Variants in BORCS5 observed in about 807,000 individuals in gnomAD.
The protein encoded by BORCS5 is BLOC-1 related complex subunit 5.
A neutral mutation model predicts 22.1 loss-of-function variants in BORCS5; 17 were observed. The observed-to-expected ratio is 0.77, with a 90% CI of 0.53 to 1.15. The LOEUF (loss-of-function observed/expected upper bound fraction) is 1.15, where lower values mean the gene tolerates loss of function less well. BORCS5 is among the 50% of genes most tolerant of loss of function. The pLI, the probability that BORCS5 is intolerant of heterozygous loss-of-function variation, is 0.00. For missense variants in BORCS5, 247 were observed against 253.2 expected (o/e 0.98, Z 0.17); for synonymous variants, 117 against 99.8 (o/e 1.17, Z -1.03).
intron 2 of BORCS5, among the ~76,000 whole-genome samples, chr12:12,410,921 T>G: frequency 1.2e-5 from 1 of 80,620 alleles, no homozygotes; most frequent in Non-Finnish European, 3.3e-5. Flanking sequence ...GGTTTGTACT[T>G]CTCCTTGAAG....
intron 2 of BORCS5, among the ~76,000 whole-genome samples, chr12:12,370,033 C>G (rs1863491367): frequency 6.6e-6 from 1 of 151,436 alleles, no homozygotes; most frequent in African/African-American, 2.4e-5. Context: ...CCCACCTTCA[C>G]TTCTTTGTGC....
At chr12:12,461,563 C>G (rs1413814091) in intron 3 of BORCS5, among the ~76,000 whole-genome samples, 1 of 152,202 alleles carries the variant, frequency 6.6e-6, no homozygotes, top group Non-Finnish European at 1.5e-5. Context: ...GTTTATTCAT[C>G]TCTCTCAGGC....
intron 2 of BORCS5, among the ~76,000 whole-genome samples, chr12:12,430,934 A>G (rs1476212989): frequency 6.6e-6 from 1 of 152,290 alleles, no homozygotes; most frequent in East Asian, 1.9e-4. Context: ...TTCATGTAAT[A>G]CTATTTATAG....
At position 12,357,283 on chromosome 12, in the gene BORCS5, C is replaced by T. The variant is rs1419943630; in HGVS notation, c.-169C>T. The T allele has an allele frequency of 5.5e-6, 8 of 1,456,292 alleles. No homozygotes were observed. The highest frequency in any genetic ancestry group is 2.5e-5 in the East Asian group (1 of 40,012). 90.2% of individuals were successfully genotyped at this position (1,456,292 alleles called of 1,614,324 possible). On this transcript the variant is annotated 5_prime_UTR_variant, in exon 1 of 4. Coordinates refer to ENST00000314565, the MANE Select transcript of BORCS5 (RefSeq NM_058169.6). ...ATAGGGCCTCTCCTTCTCCCGCCGC[C>T]CAGGCCCCTGCGTGGGCTGGACGCG...
In BORCS5 at chr12:12,470,129, G is replaced by A. The variant is rs1165136717; in HGVS notation, c.*4353G>A. On this transcript the variant is annotated 3_prime_UTR_variant, in exon 4 of 4. Coordinates refer to ENST00000314565, the MANE Select transcript of BORCS5 (RefSeq NM_058169.6). ...TCTGTTGCCCAGGCTGGAGTGCAGT[G>A]GCACGATCTCGGCTCACTGCAACCT... Among the ~76,000 whole-genome samples the A allele has an allele frequency of 6.6e-6, 1 of 152,152 alleles. No homozygotes were observed. Among genetic ancestry groups the A allele is most frequent in the Non-Finnish European group, 1.5e-5 (1 of 68,032 alleles).
chr12:12,428,371 C>G (rs111594098), intron 2 of BORCS5, among the ~76,000 whole-genome samples: 54 of 152,320 alleles, frequency 3.5e-4, no homozygotes, highest in African/African-American at 1.2e-3. Context: ...TTTGCTGGAT[C>G]TCTGGAATAT....
At position 12,470,196 on chromosome 12, in the gene BORCS5, G is replaced by T. The variant is rs771175360; in HGVS notation, c.*4420G>T. 6.6e-6 allele frequency among the ~76,000 whole-genome samples: 1 copy of T among 152,060 alleles called. No individual in the cohort carries two copies. The highest frequency in any genetic ancestry group is 1.5e-5 in the Non-Finnish European group (1 of 68,006). Reference sequence around the variant, plus strand: ...AGCAGTTATACTGTCTCAGCCTCCCGAGTAGCTGGGACTACAGGTGCCCGC... The same window carrying T: ...AGCAGTTATACTGTCTCAGCCTCCCTAGTAGCTGGGACTACAGGTGCCCGC... On this transcript the variant is annotated 3_prime_UTR_variant, in exon 4 of 4. Transcript: ENST00000314565.
chr12:12,418,201 G>GTT (rs75687170), intron 2 of BORCS5, among the ~76,000 whole-genome samples: 18 of 136,288 alleles, frequency 1.3e-4, no homozygotes, highest in African/African-American at 4.1e-4. Context: ...TTTTTTTTTT[G>GTT]TTTTTTTTTT....
chr12:12,445,599 G>A (rs1053457817), intron 3 of BORCS5, among the ~76,000 whole-genome samples: 6 of 134,474 alleles, frequency 4.5e-5, no homozygotes, highest in African/African-American at 1.8e-4. Flanking sequence ...GAGCCAGTGG[G>A]TCTGGAGTAG....
intron 3 of BORCS5, among the ~76,000 whole-genome samples, chr12:12,442,343 A>G (rs1279633428): frequency 6.6e-6 from 1 of 152,196 alleles, no homozygotes; most frequent in Non-Finnish European, 1.5e-5. Flanking sequence ...GTCATAGATT[A>G]GAACGCCTTT....
At position 12,380,983 on chromosome 12, in the gene BORCS5, C is replaced by G. The variant is rs73279377; in HGVS notation, c.202+19634C>G. Among the ~76,000 whole-genome samples the G allele has an allele frequency of 9.2e-3, 1,367 of 147,930 alleles. 55 individuals carry two copies. Among genetic ancestry groups the G allele is most frequent in the African/African-American group, 0.033 (1,311 of 40,326 alleles). ...ATGATTTGCAGTATTTTCTCCCAGA[C>G]TGTGACTTTCTTTTCATTTTTTGGG... On this transcript the variant is annotated intron_variant, in intron 2 of 3. Coordinates refer to ENST00000314565, the MANE Select transcript of BORCS5 (RefSeq NM_058169.6).
chr12:12,373,154 T>C (rs915554195), intron 2 of BORCS5, among the ~76,000 whole-genome samples: 10 of 152,188 alleles, frequency 6.6e-5, no homozygotes, highest in African/African-American at 2.4e-4. Flanking sequence ...AGAGGTTCCT[T>C]CTTCCTTCTG....
chr12:12,447,801 G>A (rs1184946559), intron 3 of BORCS5, among the ~76,000 whole-genome samples: 2 of 152,158 alleles, frequency 1.3e-5, no homozygotes, highest in African/African-American at 4.8e-5. Flanking sequence ...GTTTTAAGAT[G>A]TTAAGTGTGT....
chr12:12,444,283 A>C (rs1942740694), intron 3 of BORCS5, among the ~76,000 whole-genome samples: 1 of 152,238 alleles, frequency 6.6e-6, no homozygotes, highest in South Asian at 2.1e-4. Flanking sequence ...GTAATGGATC[A>C]AATGCAACAG....
intron 2 of BORCS5, among the ~76,000 whole-genome samples, chr12:12,409,376 C>T (rs781424287): frequency 7.3e-5 from 11 of 150,700 alleles, no homozygotes; most frequent in South Asian, 2.1e-4. Flanking sequence ...CCCTCCTCCC[C>T]CCACCCCACA....
intron 2 of BORCS5, among the ~76,000 whole-genome samples, chr12:12,424,799 C>G (rs1334856186): frequency 2.6e-5 from 4 of 152,100 alleles, no homozygotes; most frequent in Admixed American, 1.3e-4. Context: ...TGAGCCTGTG[C>G]TCTTCCCTGG....
chr12:12,440,623 A>G (rs568767582), intron 3 of BORCS5, among the ~76,000 whole-genome samples: 1 of 141,244 alleles, frequency 7.1e-6, no homozygotes, highest in South Asian at 2.3e-4. Context: ...AAAAAAAACC[A>G]GGATTTGGGA....
intron 2 of BORCS5, among the ~76,000 whole-genome samples, chr12:12,420,287 A>G (rs889088530): frequency 3.9e-5 from 6 of 152,160 alleles, no homozygotes; most frequent in South Asian, 2.1e-4. Context: ...TCCCAGCACT[A>G]TTTATTAAAT....
intron 2 of BORCS5, among the ~76,000 whole-genome samples, chr12:12,394,553 T>A (rs894573715): frequency 3.3e-5 from 5 of 151,530 alleles, no homozygotes; most frequent in Admixed American, 6.6e-5. Flanking sequence ...AAAAAAAAAA[T>A]TTAAAGAGAC....
Sources: gnomAD v4.1 joint callset for allele counts (sites outside exome capture counted in the v4.1 genomes callset) on GRCh38, gnomAD v4.1.1 for gene constraint, MANE v1.5 for transcripts, NCBI Gene and HGNC (gene_info 2026-07-23, HGNC 2026-07-21) for gene names.